ZNF536: variants seen among roughly 807,000 people sequenced by gnomAD.
The protein encoded by ZNF536 is zinc finger protein 536.
A neutral mutation model predicts 84.5 loss-of-function variants in ZNF536; 13 were observed. That is an observed-to-expected ratio of 0.15 (90% confidence interval 0.10 to 0.24). ZNF536 has a LOEUF of 0.24. Among genes scored for constraint, ZNF536 ranks in the 10% least tolerant of loss-of-function variants. The pLI is 1.00. For missense variants in ZNF536, 1,536 were observed against 1,747.5 expected, an observed-to-expected ratio of 0.88 and a Z score of 2.16; for synonymous variants, 811 against 742.5, an observed-to-expected ratio of 1.09 and a Z score of -1.50.
At chr19:30,664,104 T>C (rs2050215842) in intron 1 of ZNF536, among the ~76,000 whole-genome samples, 1 of 152,224 alleles carries the variant, frequency 6.6e-6, no homozygotes. Context: ...ATCATTTGTT[T>C]AGATTCACAG....
chr19:30,490,686 A>G (rs2054472988), intron 2 of ZNF536, among the ~76,000 whole-genome samples: 1 of 152,182 alleles, frequency 6.6e-6, no homozygotes, highest in Non-Finnish European at 1.5e-5. Context: ...TCTCCTAAGT[A>G]TGTCCTAGGG....
chr19:30,383,281 C>T (rs2049094941), intron 1 of ZNF536, among the ~76,000 whole-genome samples: 1 of 151,026 alleles, frequency 6.6e-6, no homozygotes, highest in South Asian at 2.1e-4. Flanking sequence ...CAGAATGAGA[C>T]TCTGTCTCAA....
chr19:30,576,834 G>C (rs1909875905), intron 1 of ZNF536, among the ~76,000 whole-genome samples: 1 of 152,224 alleles, frequency 6.6e-6, no homozygotes, highest in Admixed American at 6.5e-5. Flanking sequence ...AGTCAGACAA[G>C]AGGATCCGGC....
chr19:30,453,486 C>T (rs1057443596), intron 2 of ZNF536, among the ~76,000 whole-genome samples: 1 of 152,180 alleles, frequency 6.6e-6, no homozygotes, highest in Admixed American at 6.5e-5. Context: ...TGGCGCCAGC[C>T]GGGATTGGTC....
rs2146212704 is a variant in ZNF536, at chr19:30,548,684, C to T, written c.3065C>T (p.Ala1022Val). ...GAGCTCATGGCCCTTCATCTCCAGG[C>T]CAACCACCTGGGCAAAGCGAAACGC... ...SMELMALHLQ[A>V]NHLGKAKRKD... Residue 1022 changes from alanine (A) to valine (V), a missense_variant, in exon 4 of 5, where the codon GCC (alanine) becomes GTC (valine). By Grantham distance (64) the Ala-to-Val change is moderately conservative (BLOSUM62 0). Coordinates refer to ENST00000355537, the MANE Select transcript of ZNF536 (RefSeq NM_014717.3). The T allele has an allele frequency of 6.2e-7, 1 of 1,614,026 alleles. No individual in the cohort carries two copies. Among genetic ancestry groups the T allele is most frequent in the Non-Finnish European group, 8.5e-7 (1 of 1,180,038 alleles).
intron 1 of ZNF536, among the ~76,000 whole-genome samples, chr19:30,681,508 G>A (rs1003103766): frequency 1.3e-5 from 2 of 152,294 alleles, no homozygotes; most frequent in Non-Finnish European, 2.9e-5. Flanking sequence ...CGCATGAAGC[G>A]CAGGAAGTCT....
intron 1 of ZNF536, among the ~76,000 whole-genome samples, chr19:30,646,307 C>T (rs2049467138): frequency 6.6e-6 from 1 of 152,196 alleles, no homozygotes; most frequent in Non-Finnish European, 1.5e-5. Context: ...TCCATCATTT[C>T]CACCTAAGCA....
intron 2 of ZNF536, among the ~76,000 whole-genome samples, chr19:30,343,905 T>C (rs1057228200): frequency 6.6e-6 from 1 of 152,124 alleles, no homozygotes; most frequent in African/African-American, 2.4e-5. Flanking sequence ...GAGTGCATCC[T>C]GAAAGCGTCC....
chr19:30,625,583 A>T (rs911595693), intron 1 of ZNF536, among the ~76,000 whole-genome samples: 5 of 152,254 alleles, frequency 3.3e-5, no homozygotes, highest in African/African-American at 9.6e-5. Flanking sequence ...GTGAAGAAGC[A>T]GTGTCAGATA....
At chr19:30,658,903 T>A (rs2050017313) in intron 1 of ZNF536, among the ~76,000 whole-genome samples, 1 of 152,204 alleles carries the variant, frequency 6.6e-6, no homozygotes, top group South Asian at 2.1e-4. Context: ...CTTGCTAACA[T>A]TTGGCCTAGT....
intron 1 of ZNF536, among the ~76,000 whole-genome samples, chr19:30,597,376 C>A (rs1360567672): frequency 6.6e-6 from 1 of 152,224 alleles, no homozygotes; most frequent in Non-Finnish European, 1.5e-5. Context: ...CATGGGCATC[C>A]CCCTCTAGAA....
chr19:30,628,529 C>T (rs1024934493), intron 1 of ZNF536, among the ~76,000 whole-genome samples: 2 of 149,858 alleles, frequency 1.3e-5, no homozygotes, highest in Non-Finnish European at 3.0e-5. Flanking sequence ...CCCGGGTTCA[C>T]GCCATTCTCC....
intron 1 of ZNF536, among the ~76,000 whole-genome samples, chr19:30,613,278 G>A (rs1429373437): frequency 1.3e-5 from 2 of 152,150 alleles, no homozygotes; most frequent in East Asian, 3.9e-4. Flanking sequence ...GATACTCTGA[G>A]ACAACACGGG....
downstream of ZNF536, among the ~76,000 whole-genome samples, chr19:30,561,654 C>T (rs1356186346): frequency 6.6e-6 from 1 of 152,144 alleles, no homozygotes; most frequent in Admixed American, 6.5e-5. Context: ...CTTTGGGGGT[C>T]CTCTAAGGTA....
intron 2 of ZNF536, 71 bp from the exon 3 acceptor site, chr19:30,534,776 T>TA: frequency 6.7e-7 from 1 of 1,486,312 alleles, no homozygotes; most frequent in Non-Finnish European, 9.0e-7. Flanking sequence ...TTGTGTGGTG[T>TA]TAGCAGTTTT....
chr19:30,477,130 T>A (rs1465911663), intron 2 of ZNF536, among the ~76,000 whole-genome samples: 1 of 152,218 alleles, frequency 6.6e-6, no homozygotes, highest in Non-Finnish European at 1.5e-5. Flanking sequence ...TACTTTTCCC[T>A]GACCACCCAT....
chr19:30,609,045 T>G (rs2147017675), intron 1 of ZNF536, among the ~76,000 whole-genome samples: 1 of 152,360 alleles, frequency 6.6e-6, no homozygotes, highest in African/African-American at 2.4e-5. Context: ...AACTGCTTGC[T>G]GAATTCGATG....
chr19:30,412,171 CTG>C (rs1378778936), intron 1 of ZNF536, among the ~76,000 whole-genome samples: 2 of 152,008 alleles, frequency 1.3e-5, no homozygotes, highest in Non-Finnish European at 2.9e-5. Flanking sequence ...TCATTTTCAA[CTG>C]TGAATAATGA....
chr19:30,442,249 G>A (rs1022093637), intron 1 of ZNF536, among the ~76,000 whole-genome samples: 38 of 152,352 alleles, frequency 2.5e-4, no homozygotes, highest in Non-Finnish European at 1.0e-4. Context: ...GGAAGGGGCT[G>A]TTTCCTCTGC....
Sources: gnomAD v4.1 joint callset for allele counts (sites outside exome capture counted in the v4.1 genomes callset) on GRCh38, gnomAD v4.1.1 for gene constraint, MANE v1.5 for transcripts, NCBI Gene and HGNC (gene_info 2026-07-23, HGNC 2026-07-21) for gene names.